STAU2: variants seen among roughly 807,000 people sequenced by gnomAD.
STAU2 encodes the protein staufen double-stranded RNA binding protein 2.
A neutral mutation model predicts 65.9 loss-of-function variants in STAU2; 20 were observed. The observed-to-expected ratio is 0.30, with a 90% confidence interval of 0.21 to 0.44. The LOEUF is 0.44. Among genes scored for constraint, STAU2 ranks in the 20% least tolerant of loss-of-function variants. The probability of loss-of-function intolerance (pLI) is 1.00; values close to 1 mark genes in which losing one functional copy is unlikely to be tolerated. For synonymous variants in STAU2, 232 were observed against 233.9 expected, an observed-to-expected ratio of 0.99 and a Z score of 0.07; for missense variants, 558 against 683.9, an observed-to-expected ratio of 0.82 and a Z score of 2.05.
intron 6 of STAU2, among the ~76,000 whole-genome samples, chr8:73,642,469 G>A (rs1815061609): frequency 6.6e-6 from 1 of 152,036 alleles, no homozygotes; most frequent in Admixed American, 6.5e-5. Flanking sequence ...GTCACAGTGA[G>A]CCAAGATCGC....
At chr8:73,424,576 G>A (rs540527475) in intron 13 of STAU2, among the ~76,000 whole-genome samples, 6 of 151,972 alleles carry the variant, frequency 3.9e-5, no homozygotes, top group Admixed American at 3.3e-4. Context: ...ATGTCCCATC[G>A]CATGGATGCA....
At chr8:73,559,954 A>C (rs533645738) in intron 12 of STAU2, among the ~76,000 whole-genome samples, 1 of 152,344 alleles carries the variant, frequency 6.6e-6, no homozygotes, top group Admixed American at 6.5e-5. Context: ...AGCTAACAGC[A>C]AAACAATGAA....
chr8:73,542,085 TA>T (rs146222200), intron 13 of STAU2, among the ~76,000 whole-genome samples: 45,897 of 151,918 alleles, frequency 0.3, 7,188 homozygotes, highest in Middle Eastern at 0.34. Context: ...ACCATTATTT[TA>T]CAGTTCTAAG....
At chr8:73,708,750 TC>T (rs1039336803) in intron 4 of STAU2, among the ~76,000 whole-genome samples, 2 of 152,180 alleles carry the variant, frequency 1.3e-5, no homozygotes, top group Non-Finnish European at 2.9e-5. Context: ...CACTTAACTT[TC>T]CTGTGCCTGA....
chr8:73,478,677 A>G (rs1820447242), intron 13 of STAU2, among the ~76,000 whole-genome samples: 1 of 152,104 alleles, frequency 6.6e-6, no homozygotes, highest in South Asian at 2.1e-4. Flanking sequence ...TTCATGATGC[A>G]TCTCTAGTAA....
At position 73,420,936 on chromosome 8, in the gene STAU2, C is replaced by G. The variant is rs1426349685; in HGVS notation, c.*436G>C. 1 of 160,452 alleles carries G rather than the reference C, an allele frequency of 6.2e-6. No homozygotes were observed. The highest frequency in any genetic ancestry group is 1.4e-5 in the Non-Finnish European group (1 of 73,200). The allele number at this position is 160,452 out of a possible 1,614,324, so 9.9% of individuals were successfully genotyped here. A position where few individuals can be genotyped will look rare whatever the true frequency, so the allele number is the denominator to read the frequency against. Reference sequence around the variant, plus strand: ...CACATTCCACAGCACATCATTGGTTCATTTTCGAATTGTCAAGCAGTATTT... The same window carrying G: ...CACATTCCACAGCACATCATTGGTTGATTTTCGAATTGTCAAGCAGTATTT... On this transcript the variant is annotated 3_prime_UTR_variant, in exon 15 of 15. Coordinates refer to ENST00000524300, the MANE Select transcript of STAU2 (RefSeq NM_001164380.2).
intron 6 of STAU2, among the ~76,000 whole-genome samples, chr8:73,645,610 G>A (rs559521152): frequency 2.6e-5 from 4 of 152,152 alleles, no homozygotes; most frequent in African/African-American, 9.7e-5. Flanking sequence ...AATGAAACAC[G>A]TATTAGTCCG....
intron 13 of STAU2, among the ~76,000 whole-genome samples, chr8:73,423,737 T>C (rs1816575538): frequency 6.6e-6 from 1 of 152,228 alleles, no homozygotes. Flanking sequence ...GAGGTGTGAT[T>C]CTTTTTTAGT....
chr8:73,600,512 A>G (rs565908149), intron 10 of STAU2, among the ~76,000 whole-genome samples: 2 of 152,322 alleles, frequency 1.3e-5, no homozygotes, highest in South Asian at 4.1e-4. Context: ...GGCAGGCCCT[A>G]TGGATAATCT....
At chr8:73,481,359 G>A (rs986450636) in intron 13 of STAU2, among the ~76,000 whole-genome samples, 6 of 151,944 alleles carry the variant, frequency 3.9e-5, no homozygotes, top group Non-Finnish European at 5.9e-5. Flanking sequence ...AGAAACAGCA[G>A]GGGCCTGCCT....
intron 13 of STAU2, among the ~76,000 whole-genome samples, chr8:73,485,141 C>CTTTTT (rs10524978): frequency 2.4e-5 from 2 of 82,822 alleles, no homozygotes; most frequent in Non-Finnish European, 4.2e-5. Flanking sequence ...CATCCTTACT[C>CTTTTT]TTTTTTTTTT....
chr8:73,720,264 C>G (rs1465213561), intron 3 of STAU2, among the ~76,000 whole-genome samples: 1 of 81,156 alleles, frequency 1.2e-5, no homozygotes, highest in Non-Finnish European at 2.3e-5. Flanking sequence ...GAGTGAGACC[C>G]TGTCTCAAAA....
intron 11 of STAU2, among the ~76,000 whole-genome samples, chr8:73,586,646 CAAAAAAAAAAAA>C (rs56687221): frequency 1.6e-5 from 1 of 62,740 alleles, no homozygotes; most frequent in South Asian, 5.8e-4. Context: ...AAAAAAAATG[CAAAAAAAAAAAA>C]AAAAAAAAAT....
chr8:73,558,552 C>G (rs554037247), intron 12 of STAU2, among the ~76,000 whole-genome samples: 2 of 152,126 alleles, frequency 1.3e-5, no homozygotes, highest in Admixed American at 1.3e-4. Context: ...GTTTTATAAG[C>G]GAACTTAGGA....
At chr8:73,670,170 T>A (rs1007470810) in intron 6 of STAU2, among the ~76,000 whole-genome samples, 1 of 152,096 alleles carries the variant, frequency 6.6e-6, no homozygotes, top group Non-Finnish European at 1.5e-5. Flanking sequence ...ATAAAACAAC[T>A]ACAAGAGAAA....
intron 6 of STAU2, among the ~76,000 whole-genome samples, chr8:73,630,698 C>T (rs1296476689): frequency 6.6e-6 from 1 of 152,122 alleles, no homozygotes; most frequent in Non-Finnish European, 1.5e-5. Context: ...ACATATTACT[C>T]CTGGGCTGGA....
rs931928885 is a variant in STAU2, at chr8:73,421,063, A to T, written c.*309T>A. ...CTTCTCTATTATTAATCATGTTAAA[A>T]TTTTAGCTTTGTTTCTAACACTTTT... is the stretch of plus-strand genomic sequence containing the variant. On this transcript the variant is annotated 3_prime_UTR_variant, in exon 15 of 15. Transcript: ENST00000524300. 1.6e-5 allele frequency: 4 copies of T among 257,610 alleles called. No homozygotes were observed. Among genetic ancestry groups the T allele is most frequent in the Non-Finnish European group, 2.9e-5 (4 of 136,176 alleles). 16.0% of individuals were successfully genotyped at this position (257,610 alleles called of 1,614,324 possible).
chr8:73,422,582 A>G (rs2128877524), intron 14 of STAU2, 32 bp downstream of exon 14: 1 of 1,455,828 alleles, frequency 6.9e-7, no homozygotes, highest in South Asian at 1.4e-5. Context: ...TACAATTAAA[A>G]GTGTAAGAAT....
At chr8:73,687,460 T>C (rs1191457834) in intron 5 of STAU2, among the ~76,000 whole-genome samples, 1 of 133,718 alleles carries the variant, frequency 7.5e-6, no homozygotes, top group Non-Finnish European at 1.6e-5. Flanking sequence ...ATATAATATA[T>C]AAAATAAAAT....
Sources: gnomAD v4.1 joint callset for allele counts (sites outside exome capture counted in the v4.1 genomes callset) on GRCh38, gnomAD v4.1.1 for gene constraint, MANE v1.5 for transcripts, NCBI Gene and HGNC (gene_info 2026-07-23, HGNC 2026-07-21) for gene names.